The following IDH3A variants were observed in gnomAD, a reference collection of about 807,000 sequenced individuals.
IDH3A encodes isocitrate dehydrogenase [NAD] subunit alpha, mitochondrial.
In IDH3A, 23 loss-of-function variants were observed where a neutral mutation model predicts 43.3. The ratio of observed to expected loss-of-function variants is 0.53; its 90% confidence interval spans 0.38 to 0.75. The LOEUF is 0.75. Among genes scored for constraint, IDH3A ranks in the 30% least tolerant of loss-of-function variants. IDH3A has a pLI of 0.00. For missense variants in IDH3A, 329 were observed against 474.4 expected (o/e 0.69, Z 2.85); for synonymous variants, 154 against 163.5 (o/e 0.94, Z 0.44).
At chr15:78,149,500 G>A (rs1596372798) in intron 1 of IDH3A, 70 bp downstream of exon 1, 5 of 1,395,108 alleles carry the variant, frequency 3.6e-6, no homozygotes, top group Admixed American at 2.2e-5. Context: ...CCGGTCGCGT[G>A]CCGGGTGTGG....
At chr15:78,164,176 T>C (rs1234849106) in intron 8 of IDH3A, among the ~76,000 whole-genome samples, 1 of 152,170 alleles carries the variant, frequency 6.6e-6, no homozygotes, top group Non-Finnish European at 1.5e-5. Context: ...AATTCCCTTG[T>C]ACTCAGCACC....
chr15:78,156,814 C>A, intron 2 of IDH3A: 1 of 1,002,658 alleles, frequency 1.0e-6, no homozygotes, highest in Non-Finnish European at 1.4e-6. Context: ...TAGAATAAAT[C>A]ATTGCTGTTA....
intron 8 of IDH3A, among the ~76,000 whole-genome samples, chr15:78,164,131 C>T (rs531078035): frequency 3.3e-5 from 5 of 152,220 alleles, no homozygotes; most frequent in African/African-American, 9.6e-5. Context: ...GACATAATTT[C>T]AGACTTACAG....
rs1391568022 is a variant in IDH3A at position 78,169,830 on chromosome 15, G to C, written c.*825G>C. 2 of 152,210 alleles carry C rather than the reference G, an allele frequency of 1.3e-5. No homozygotes were observed. The highest frequency in any genetic ancestry group is 4.8e-5 in the African/African-American group (2 of 41,436). 9.4% of individuals were successfully genotyped at this position (152,210 alleles called of 1,614,324 possible). ...GAGCCCCTGATCTGAAGCCAGAAGGGCTGAGTGTATTGTAAACTTATTCTT... is the reference window on the plus strand; with the variant it reads ...GAGCCCCTGATCTGAAGCCAGAAGGCCTGAGTGTATTGTAAACTTATTCTT... On this transcript the variant is annotated 3_prime_UTR_variant, in exon 11 of 11. Coordinates refer to ENST00000299518, the MANE Select transcript of IDH3A (RefSeq NM_005530.3).
rs2074739918 is a variant in IDH3A, at chr15:78,166,164, T to G, written c.879T>G (p.Ala293=). ...CCGATGTGTAGGTTCATGGGACGGCTCCAGACATTGCAGGCAAGGACATGG... is the reference window on the plus strand; with the variant it reads ...CCGATGTGTAGGTTCATGGGACGGCGCCAGACATTGCAGGCAAGGACATGG... ...VAIFESVHGT[A]PDIAGKDMAN... The change falls in exon 10 of 11, where the codon GCT becomes GCG. Residue 293 remains alanine, a synonymous_variant. Coordinates refer to ENST00000299518, the MANE Select transcript of IDH3A (RefSeq NM_005530.3). 1 of 1,614,000 alleles carries G rather than the reference T, an allele frequency of 6.2e-7. No homozygotes were observed.
rs1308943826 is a variant in IDH3A, at chr15:78,169,039, T to G, written c.*34T>G. On this transcript the variant is annotated 3_prime_UTR_variant, in exon 11 of 11. Transcript: ENST00000299518. ...CAACTGGCATTTACATCAGTCACTC[T>G]AAATGGACACCACATGAACCTCTGT... The G allele has an allele frequency of 7.6e-7, 1 of 1,315,738 alleles. No individual in the cohort carries two copies. Among genetic ancestry groups the G allele is most frequent in the Non-Finnish European group, 1.1e-6 (1 of 913,796 alleles). 81.5% of individuals were successfully genotyped at this position (1,315,738 alleles called of 1,614,324 possible).
At chr15:78,160,315 T>C (rs1292363289) in intron 4 of IDH3A, 109 bp downstream of exon 4, 3 of 633,732 alleles carry the variant, frequency 4.7e-6, no homozygotes, top group Non-Finnish European at 8.6e-6. Flanking sequence ...TCTGTGAAGG[T>C]AACGCCATTC....
intron 1 of IDH3A, 98 bp from the exon 2 acceptor site, chr15:78,155,115 C>G: frequency 1.3e-6 from 1 of 786,982 alleles, no homozygotes; most frequent in Non-Finnish European, 2.2e-6. Context: ...ATATCTGTGC[C>G]AAGTTGCAGC....
rs2074634484 is a variant in IDH3A, at chr15:78,157,543, T to C, written c.91-5T>C. ...CTGTCTTCTTTGATGATTTCTTATGTTCAGGTTCAGACAGTAACTTTAATT... is the reference window on the plus strand; with the variant it reads ...CTGTCTTCTTTGATGATTTCTTATGCTCAGGTTCAGACAGTAACTTTAATT... On this transcript the variant is annotated splice_polypyrimidine_tract_variant and splice_region_variant and intron_variant, in intron 2 of 10. Transcript: ENST00000299518. 1 of 1,592,454 alleles carries C rather than the reference T, an allele frequency of 6.3e-7. No individual in the cohort carries two copies. The highest frequency in any genetic ancestry group is 8.6e-7 in the Non-Finnish European group (1 of 1,167,634).
intron 2 of IDH3A, 171 bp downstream of exon 2, chr15:78,155,446 T>G (rs918586491): frequency 2.0e-6 from 1 of 496,220 alleles, no homozygotes; most frequent in Admixed American, 3.7e-5. Flanking sequence ...TCTGTTAGGT[T>G]ACTTGCGCAT....
chr15:78,158,381 TAG>T (rs1471987810), intron 3 of IDH3A, among the ~76,000 whole-genome samples: 1 of 146,228 alleles, frequency 6.8e-6, no homozygotes, highest in East Asian at 2.0e-4. Flanking sequence ...AGGATGTAGG[TAG>T]AGAGAAAGGG....
Position 78,161,778 on chromosome 15 carries a change from C to G in IDH3A, c.477+10C>G. The G allele has an allele frequency of 6.2e-7, 1 of 1,607,810 alleles. No individual in the cohort carries two copies. Among genetic ancestry groups the G allele is most frequent in the Non-Finnish European group, 8.5e-7 (1 of 1,174,488 alleles). On this transcript the variant is annotated intron_variant, in intron 5 of 10. Coordinates refer to ENST00000299518, the MANE Select transcript of IDH3A (RefSeq NM_005530.3). The surrounding 1 kb of genome is among the most constrained non-coding windows in gnomAD (Gnocchi z 4.8). ...TGGAATTGAGCATGTGGTATGTTCA[C>G]TCCAGATTCTTTTTTATTCCTGCTT...
intron 1 of IDH3A, chr15:78,154,969 T>C (rs2074612076): frequency 2.7e-6 from 1 of 365,618 alleles, no homozygotes; most frequent in Non-Finnish European, 4.9e-6. Context: ...TGACAACTTA[T>C]ATTCGTTAAA....
intron 3 of IDH3A, among the ~76,000 whole-genome samples, chr15:78,159,311 C>G (rs2074657766): frequency 6.6e-6 from 1 of 151,520 alleles, no homozygotes; most frequent in Non-Finnish European, 1.5e-5. Context: ...CCTCCTTTTT[C>G]TTCCCCCACC....
intron 1 of IDH3A, 37 bp downstream of exon 1, chr15:78,149,467 G>A: frequency 6.6e-7 from 1 of 1,506,788 alleles, no homozygotes; most frequent in Middle Eastern, 2.2e-4. Flanking sequence ...CAGGCAGGCA[G>A]GCCGCGAGGG....
rs1353737072 is a variant in IDH3A, at chr15:78,169,164, T to A, written c.*159T>A. On this transcript the variant is annotated 3_prime_UTR_variant, in exon 11 of 11. Transcript: ENST00000299518. ...ACAAAATCTGTGCAAAAGATGCAGG[T>A]GGATGTCCCTAGGTCTGTTTTCAAA... 1.5e-5 allele frequency: 7 copies of A among 469,384 alleles called. No homozygotes were observed. Among genetic ancestry groups the A allele is most frequent in the Non-Finnish European group, 2.7e-5 (7 of 262,834 alleles). The allele number at this position is 469,384 out of a possible 1,614,324, so 29.1% of individuals were successfully genotyped here. A position where few individuals can be genotyped will look rare whatever the true frequency, so the allele number is the denominator to read the frequency against.
At chr15:78,154,174 G>T in intron 1 of IDH3A, among the ~76,000 whole-genome samples, 1 of 137,118 alleles carries the variant, frequency 7.3e-6, no homozygotes. Context: ...GGCATATGAT[G>T]TTAATTGGAG....
At chr15:78,163,399 G>C (rs1489555236) in intron 6 of IDH3A, 108 bp from the exon 7 acceptor site, 5 of 695,012 alleles carry the variant, frequency 7.2e-6, no homozygotes, top group Non-Finnish European at 1.2e-5. Context: ...GGATCAGGTA[G>C]CTTGGCTTCT....
intron 3 of IDH3A, among the ~76,000 whole-genome samples, chr15:78,158,463 ATTTTTTTTTTTTT>A (rs67298643): frequency 1.5e-5 from 1 of 67,378 alleles, no homozygotes; most frequent in Non-Finnish European, 3.0e-5. Context: ...ATATATATAT[ATTTTTTTTTTTTT>A]TTTTTTTTTT....
Sources: gnomAD v4.1 joint callset for allele counts (sites outside exome capture counted in the v4.1 genomes callset) on GRCh38, gnomAD v4.1.1 for gene constraint, Gnocchi (gnomAD v3.1) non-coding constraint, MANE v1.5 for transcripts, NCBI Gene and HGNC (gene_info 2026-07-23, HGNC 2026-07-21) for gene names.